PCDHGA2: variants seen among roughly 807,000 people sequenced by gnomAD.
PCDHGA2 encodes protocadherin gamma subfamily A, 2.
A neutral mutation model predicts 59.2 loss-of-function variants in PCDHGA2; 40 were observed. The ratio of observed to expected loss-of-function variants is 0.68; its 90% CI spans 0.52 to 0.88. The LOEUF (loss-of-function observed/expected upper bound fraction) is 0.88, where lower values mean the gene tolerates loss of function less well. Among genes scored for constraint, PCDHGA2 ranks in the 40% least tolerant of loss-of-function variants. PCDHGA2 has a pLI of 0.00. For missense variants in PCDHGA2, 1,226 were observed against 1,204.0 expected (o/e 1.02, Z -0.27); for synonymous variants, 560 against 526.0 (o/e 1.06, Z -0.89).
chr5:141,453,205 G>A lies in PCDHGA2; in HGVS notation c.2425-41602G>A, dbSNP rs570291941. On this transcript the variant is annotated intron_variant, in intron 1 of 3. Coordinates refer to ENST00000394576, the MANE Select transcript of PCDHGA2 (RefSeq NM_018915.4). ...CACAGCTCACTGCAGCCTCAACCTC[G>A]TGCACTTAAGCGATCCTCCCACCTC... Among the ~76,000 whole-genome samples the A allele has an allele frequency of 1.1e-4, 17 of 151,990 alleles. No individual in the cohort carries two copies. In the East Asian group the frequency reaches 2.5e-3, roughly 22 times the overall value.
At position 141,476,105 on chromosome 5, in the gene PCDHGA2, C is replaced by T; in HGVS notation, c.2425-18702C>T. ...ATCTGGACCCCGCTGAGAGGAACTG[C>T]TTTTGAGTGAGATGGTCCCAGAGGC... On this transcript the variant is annotated intron_variant, in intron 1 of 3. Coordinates refer to ENST00000394576, the MANE Select transcript of PCDHGA2 (RefSeq NM_018915.4). This position sits in a 1 kb window ranked among gnomAD's most constrained non-coding sequence, Gnocchi z 7.6. 2.5e-6 allele frequency: 4 copies of T among 1,585,450 alleles called. No homozygotes were observed. The highest frequency in any genetic ancestry group is 3.4e-6 in the Non-Finnish European group (4 of 1,168,874).
chr5:141,339,478 G>A lies in PCDHGA2; in HGVS notation c.507G>A (p.Lys169=), dbSNP rs11952734. The A allele has an allele frequency of 1.5e-3, 2,476 of 1,614,200 alleles. 30 individuals are homozygous for A. The African/African-American group carries it at 0.029, about 19-fold the overall frequency. ...ACGTAGGTGAGAACGCCCTTCAGAA[G>A]TACGCACTCAACCCAAATGACCACT... ...DADVGENALQ[K]YALNPNDHFS... The change falls in exon 1 of 4, where the codon AAG becomes AAA. Residue 169 remains lysine, a synonymous_variant. Coordinates refer to ENST00000394576, the MANE Select transcript of PCDHGA2 (RefSeq NM_018915.4).
Position 141,392,778 on chromosome 5 carries a change from G to A in PCDHGA2, c.2424+51383G>A, listed in dbSNP as rs375878103. ...ACTAAATAAGACCCATTTATGCACA[G>A]TGAAGATTCTGAGAGGATTCTGCAG... On this transcript the variant is annotated intron_variant, in intron 1 of 3. Coordinates refer to ENST00000394576, the MANE Select transcript of PCDHGA2 (RefSeq NM_018915.4). 5 of 1,533,872 alleles carry A rather than the reference G, an allele frequency of 3.3e-6. No homozygotes were observed. The African/African-American group carries it at 6.9e-5, about 21-fold the overall frequency.
At chr5:141,384,368 C>T (rs748304499) in intron 1 of PCDHGA2, 7 of 1,613,908 alleles carry the variant, frequency 4.3e-6, no homozygotes, top group East Asian at 2.2e-5. Flanking sequence ...ATCACTTATT[C>T]CTTGGCCGAA....
intron 1 of PCDHGA2, among the ~76,000 whole-genome samples, chr5:141,473,366 A>T (rs1292258135): frequency 1.3e-5 from 2 of 152,202 alleles, no homozygotes; most frequent in Non-Finnish European, 2.9e-5. Context: ...GGCCACCAAA[A>T]TAGCATGGTC....
At chr5:141,502,400 C>T (rs964923206) in intron 2 of PCDHGA2, among the ~76,000 whole-genome samples, 2 of 151,748 alleles carry the variant, frequency 1.3e-5, no homozygotes, top group African/African-American at 4.8e-5. Flanking sequence ...AAAATGTCCC[C>T]GAACCTGGAT....
chr5:141,375,800 A>C, intron 1 of PCDHGA2: 1 of 1,614,162 alleles, frequency 6.2e-7, no homozygotes, highest in Non-Finnish European at 8.5e-7. Context: ...AGACGGTTCC[A>C]CTGGCGTGGA....
chr5:141,356,817 C>A (rs553662641), intron 1 of PCDHGA2: 16 of 1,613,926 alleles, frequency 9.9e-6, no homozygotes, highest in Middle Eastern at 1.6e-4. Flanking sequence ...ACAGTGGAGA[C>A]CCTCCACTCA....
chr5:141,473,700 C>G (rs1474416849), intron 1 of PCDHGA2, among the ~76,000 whole-genome samples: 1 of 152,148 alleles, frequency 6.6e-6, no homozygotes, highest in Non-Finnish European at 1.5e-5. Context: ...GACCACCCTC[C>G]AAGTGGTGCA....
Position 141,390,351 on chromosome 5 carries a change from C to T in PCDHGA2, c.2424+48956C>T, listed in dbSNP as rs1561631456. 5 of 1,558,898 alleles carry T rather than the reference C, an allele frequency of 3.2e-6. No homozygotes were observed. The Admixed American group carries it at 9.1e-5, about 28-fold the overall frequency. On this transcript the variant is annotated intron_variant, in intron 1 of 3. Transcript: ENST00000394576. ...TTCTCCATATTCACAAGAAAATATA[C>T]ATATTTGCAGGAAAATATATAATTT...
chr5:141,408,185 C>G, intron 1 of PCDHGA2: 1 of 1,540,440 alleles, frequency 6.5e-7, no homozygotes, highest in Non-Finnish European at 8.8e-7. Context: ...GGGGACCCAG[C>G]GAGAACCCGA....
At position 141,487,421 on chromosome 5, in the gene PCDHGA2, C is replaced by A. The variant is rs1365581881; in HGVS notation, c.2425-7386C>A. On this transcript the variant is annotated intron_variant, in intron 1 of 3. Coordinates refer to ENST00000394576, the MANE Select transcript of PCDHGA2 (RefSeq NM_018915.4). This position sits in a 1 kb window ranked among gnomAD's most constrained non-coding sequence, Gnocchi z 5.0. ...GGGGCTTCCCCCTTCCAATGGGATC[C>A]TCCGAATCCAGCTAGGGTCAGATGA... 2 of 1,614,026 alleles carry A rather than the reference C, an allele frequency of 1.2e-6. No individual in the cohort carries two copies. Among genetic ancestry groups the A allele is most frequent in the South Asian group, 1.1e-5 (1 of 91,086 alleles).
At chr5:141,344,530 C>T in intron 1 of PCDHGA2, 1 of 1,614,008 alleles carries the variant, frequency 6.2e-7, no homozygotes, top group Non-Finnish European at 8.5e-7. Flanking sequence ...GGCATTAACT[C>T]CCTGCAGAAC....
intron 1 of PCDHGA2, chr5:141,422,542 G>T (rs368252552): frequency 1.2e-5 from 19 of 1,613,878 alleles, no homozygotes; most frequent in Admixed American, 1.7e-5. Context: ...AGAAACTCAT[G>T]TCTGGCTGAA....
chr5:141,421,446 A>G, intron 1 of PCDHGA2: 1 of 1,614,106 alleles, frequency 6.2e-7, no homozygotes, highest in Non-Finnish European at 8.5e-7. Flanking sequence ...GAGGGAAGAC[A>G]CAGCTTTTCG....
intron 1 of PCDHGA2, chr5:141,423,138 C>G (rs767107885): frequency 1.2e-6 from 2 of 1,613,606 alleles, no homozygotes; most frequent in Non-Finnish European, 1.7e-6. Flanking sequence ...TGGACAGAGA[C>G]GCGCTCAAGC....
intron 1 of PCDHGA2, among the ~76,000 whole-genome samples, chr5:141,452,648 GCTCCATCCACTGCA>G (rs2098746292): frequency 6.6e-6 from 1 of 151,930 alleles, no homozygotes; most frequent in African/African-American, 2.4e-5. Flanking sequence ...TTACTCATTT[GCTCCATCCACTGCA>G]CTCCAGCCTA....
intron 1 of PCDHGA2, chr5:141,356,052 AAG>A (rs766597679): frequency 1.9e-6 from 3 of 1,613,984 alleles, no homozygotes; most frequent in Admixed American, 3.3e-5. Flanking sequence ...TCCGGAAAGT[AAG>A]AGACAAAATA....
chr5:141,384,828 G>T (rs746957314), intron 1 of PCDHGA2: 2 of 1,613,488 alleles, frequency 1.2e-6, no homozygotes, highest in African/African-American at 1.3e-5. Flanking sequence ...AGAGCCTCGT[G>T]GTGGCCGTCC....
Sources: allele counts gnomAD v4.1 joint callset (sites outside exome capture counted in the v4.1 genomes callset), GRCh38; gene constraint gnomAD v4.1.1; non-coding constraint Gnocchi (gnomAD v3.1); transcripts MANE v1.5; gene names NCBI Gene and HGNC (gene_info 2026-07-23, HGNC 2026-07-21).